Variants in FAM200B observed in about 807,000 individuals in gnomAD.
FAM200B encodes the protein protein FAM200B.
Under a neutral mutation model 33.1 loss-of-function variants are expected in FAM200B, and 32 were observed. That is an observed-to-expected ratio of 0.97 (90% CI 0.73 to 1.30). The LOEUF is 1.30. Among genes scored for constraint, FAM200B ranks in the 50% most tolerant of loss-of-function variants. The pLI is 0.00. For missense variants in FAM200B, 741 were observed against 754.0 expected (o/e 0.98, Z 0.20); for synonymous variants, 240 against 264.8 (o/e 0.91, Z 0.91).
At chr4:15,668,087 C>T in the FAM200B span, among the ~76,000 whole-genome samples, 1 of 149,922 alleles carries the variant, frequency 6.7e-6, no homozygotes, top group Non-Finnish European at 1.5e-5. Flanking sequence ...TCAACTTAAT[C>T]GAAAAGCCAA....
At chr4:15,638,590 G>C in the FAM200B span, 1 of 1,613,338 alleles carries the variant, frequency 6.2e-7, no homozygotes, top group African/African-American at 1.3e-5. Context: ...GACCTCTAAG[G>C]AGTTCTGCAG....
At chr4:15,643,568 G>A in the FAM200B span, among the ~76,000 whole-genome samples, 4 of 88,546 alleles carry the variant, frequency 4.5e-5, no homozygotes, top group Middle Eastern at 5.0e-3. Context: ...ACTATGTCTG[G>A]CTAAATTTTT....
At chr4:15,657,945 A>G in the FAM200B span, among the ~76,000 whole-genome samples, 1 of 152,226 alleles carries the variant, frequency 6.6e-6, no homozygotes, top group Admixed American at 6.5e-5. Context: ...CACCACAAGA[A>G]GTCTGAATAA....
the FAM200B span, chr4:15,641,456 TAATA>T: frequency 3.5e-5 from 12 of 343,590 alleles, no homozygotes; most frequent in East Asian, 8.1e-5. Context: ...CACTTCCACT[TAATA>T]AATAGTGAAT....
At chr4:15,660,933 C>T in the FAM200B span, among the ~76,000 whole-genome samples, 62 of 152,042 alleles carry the variant, frequency 4.1e-4, 1 homozygote, top group African/African-American at 1.4e-3. Context: ...AAAAATTAGC[C>T]GGGCATGGTG....
chr4:15,658,642 A>T, the FAM200B span, among the ~76,000 whole-genome samples: 521 of 152,306 alleles, frequency 3.4e-3, 2 homozygotes, highest in East Asian at 0.019. Flanking sequence ...CCCTCATCAG[A>T]TGCAGCCCCT....
At position 15,687,516 on chromosome 4, in the gene FAM200B, G is replaced by T; in HGVS notation, c.539G>T (p.Arg180Leu). 1 of 1,550,734 alleles carries T rather than the reference G, an allele frequency of 6.4e-7. No individual in the cohort carries two copies. Among genetic ancestry groups the T allele is most frequent in the Non-Finnish European group, 8.7e-7 (1 of 1,146,664 alleles). Residue 180 changes from arginine (R) to leucine (L), a missense_variant, in exon 2 of 2, where the codon CGT (arginine) becomes CTT (leucine). Coordinates refer to ENST00000422728, the MANE Select transcript of FAM200B (RefSeq NM_001145191.2). Reference sequence around the variant, plus strand: ...CTTCCAGCATGTTTGGATATGGTGCGTACAATATTTGATGATAAATCAGCT... The same window carrying T: ...CTTCCAGCATGTTTGGATATGGTGCTTACAATATTTGATGATAAATCAGCT... ...IILPACLDMVRTIFDDKSADK... is the reference protein window; with the variant it reads ...IILPACLDMVLTIFDDKSADK...
At chr4:15,665,336 G>A in the FAM200B span, among the ~76,000 whole-genome samples, 184 of 152,202 alleles carry the variant, frequency 1.2e-3, 2 homozygotes, top group African/African-American at 4.0e-3. Context: ...TCTTAGCCAA[G>A]GCAAACTTGA....
At chr4:15,652,161 T>G in the FAM200B span, among the ~76,000 whole-genome samples, 1 of 151,994 alleles carries the variant, frequency 6.6e-6, no homozygotes, top group Non-Finnish European at 1.5e-5. Context: ...ACTGAGAAAT[T>G]GAAGTAAAAT....
At chr4:15,639,169 AAAAT>A in the FAM200B span, among the ~76,000 whole-genome samples, 2 of 152,368 alleles carry the variant, frequency 1.3e-5, no homozygotes, top group South Asian at 2.1e-4. Context: ...TGTCTCCAGA[AAAAT>A]AAATAAATAA....
the FAM200B span, chr4:15,644,735 G>A: frequency 6.5e-7 from 1 of 1,531,636 alleles, no homozygotes; most frequent in Non-Finnish European, 9.0e-7. Context: ...AAAGAAAAGT[G>A]TAATAAATAC....
At chr4:15,662,131 G>A in the FAM200B span, among the ~76,000 whole-genome samples, 2 of 150,524 alleles carry the variant, frequency 1.3e-5, no homozygotes, top group Non-Finnish European at 3.0e-5. Flanking sequence ...AACAACCCCA[G>A]TACAGTGTGG....
chr4:15,689,540 A>G lies in FAM200B; in HGVS notation c.*589A>G, dbSNP rs1175635663. 6.0e-6 allele frequency: 1 copy of G among 166,952 alleles called. No homozygotes were observed. Among genetic ancestry groups the G allele is most frequent in the African/African-American group, 2.4e-5 (1 of 41,464 alleles). 10.3% of individuals were successfully genotyped at this position (166,952 alleles called of 1,614,324 possible). A position where few individuals can be genotyped will look rare whatever the true frequency, so the allele number is the denominator to read the frequency against. On this transcript the variant is annotated 3_prime_UTR_variant, in exon 2 of 2. Coordinates refer to ENST00000422728, the MANE Select transcript of FAM200B (RefSeq NM_001145191.2). Reference sequence around the variant, plus strand: ...TGTAATCCCCGCACTTTGGCAGGCCATGGCAGAAGGCTCTGTTGAGCCCAG... The same window carrying G: ...TGTAATCCCCGCACTTTGGCAGGCCGTGGCAGAAGGCTCTGTTGAGCCCAG...
chr4:15,645,688 A>G, the FAM200B span, among the ~76,000 whole-genome samples: 1 of 152,072 alleles, frequency 6.6e-6, no homozygotes, highest in Admixed American at 6.6e-5. Context: ...CGGCCTCCCA[A>G]AGTGCTGGGA....
the FAM200B span, among the ~76,000 whole-genome samples, chr4:15,639,395 G>C: frequency 0.63 from 96,174 of 152,040 alleles, 30,537 homozygotes; most frequent in Non-Finnish European, 0.65. Flanking sequence ...ACCCAGTGTA[G>C]TGGAACCATA....
chr4:15,662,586 G>A, the FAM200B span, among the ~76,000 whole-genome samples: 1 of 152,070 alleles, frequency 6.6e-6, no homozygotes, highest in African/African-American at 2.4e-5. Context: ...GAAATCACTG[G>A]TAATAAAAAA....
At chr4:15,664,393 C>G in the FAM200B span, among the ~76,000 whole-genome samples, 1 of 152,160 alleles carries the variant, frequency 6.6e-6, no homozygotes, top group South Asian at 2.1e-4. Flanking sequence ...TCAGTTAAAT[C>G]ATATTGGCAC....
the FAM200B span, among the ~76,000 whole-genome samples, chr4:15,663,747 C>T: frequency 4.6e-5 from 7 of 152,282 alleles, no homozygotes; most frequent in African/African-American, 1.7e-4. Flanking sequence ...TCAACAAACA[C>T]TAGGTGACTA....
chr4:15,644,362 T>C, the FAM200B span: 1 of 731,282 alleles, frequency 1.4e-6, no homozygotes, highest in South Asian at 1.9e-5. Context: ...TTCCTTGCCA[T>C]CTTTAACAAG....
Sources: allele counts gnomAD v4.1 joint callset (sites outside exome capture counted in the v4.1 genomes callset), GRCh38; gene constraint gnomAD v4.1.1; transcripts MANE v1.5; gene names NCBI Gene and HGNC (gene_info 2026-07-23, HGNC 2026-07-21).